KCNIP4: variants seen among roughly 807,000 people sequenced by gnomAD.
KCNIP4 encodes Kv channel-interacting protein 4.
KCNIP4 carries 12 observed loss-of-function variants against 34.0 expected under a neutral mutation model. That is an observed-to-expected ratio of 0.35 (90% CI 0.23 to 0.57). KCNIP4 has a LOEUF of 0.57. KCNIP4 is among the 20% of genes least tolerant of loss of function. KCNIP4 has a pLI of 0.83. For synonymous variants in KCNIP4, 124 were observed against 102.2 expected, an observed-to-expected ratio of 1.21 and a Z score of -1.29; for missense variants, 238 against 311.7, an observed-to-expected ratio of 0.76 and a Z score of 1.78.
rs183053508 is a variant in KCNIP4, at chr4:21,270,108, A to C, written c.62-387399T>G. Among the ~76,000 whole-genome samples, 233 of 152,316 alleles carry C rather than the reference A, an allele frequency of 1.5e-3. 2 individuals are homozygous for C. Among genetic ancestry groups the C allele is most frequent in the Admixed American group, 0.015 (231 of 15,300 alleles). On this transcript the variant is annotated intron_variant, in intron 1 of 8. Coordinates refer to ENST00000382152, the MANE Select transcript of KCNIP4 (RefSeq NM_025221.6). ...CATACTCTAGGTAAACAGTTTAACC[A>C]CCGGGGAGTATCATAGGCTCAAAGA...
intron 1 of KCNIP4, among the ~76,000 whole-genome samples, chr4:21,731,192 T>C (rs927123856): frequency 5.3e-5 from 8 of 151,996 alleles, no homozygotes; most frequent in Admixed American, 1.3e-4. Flanking sequence ...AGGTCCATTA[T>C]GGGTGAGAGA....
At chr4:21,887,266 G>A (rs1480057351) in intron 1 of KCNIP4, among the ~76,000 whole-genome samples, 2 of 152,050 alleles carry the variant, frequency 1.3e-5, no homozygotes, top group East Asian at 3.9e-4. Context: ...TGAGACCAGG[G>A]TTCCAGCACG....
chr4:21,331,287 C>G (rs1715611997), intron 1 of KCNIP4, among the ~76,000 whole-genome samples: 1 of 152,028 alleles, frequency 6.6e-6, no homozygotes, highest in African/African-American at 2.4e-5. Context: ...AAATTTCCCT[C>G]AAGATGCTTT....
chr4:21,555,361 A>G (rs1295037045), intron 1 of KCNIP4, among the ~76,000 whole-genome samples: 1 of 152,184 alleles, frequency 6.6e-6, no homozygotes. Context: ...GAACCATCCC[A>G]CAAAAATAAA....
chr4:21,284,745 T>C (rs963624385), intron 1 of KCNIP4, among the ~76,000 whole-genome samples: 1 of 148,718 alleles, frequency 6.7e-6, no homozygotes, highest in Non-Finnish European at 1.5e-5. Flanking sequence ...TGTGTGTGTG[T>C]GTGTGTGTGT....
chr4:20,803,741 GGAAGGAAGGAAGGAAA>G (rs1233003005), intron 3 of KCNIP4, among the ~76,000 whole-genome samples: 2 of 147,382 alleles, frequency 1.4e-5, no homozygotes, highest in Non-Finnish European at 3.0e-5. Context: ...AAGGAAGGAA[GGAAGGAAGGAAGGAAA>G]GAAGGAAGGA....
At chr4:20,790,578 C>CT (rs1414669465) in intron 3 of KCNIP4, among the ~76,000 whole-genome samples, 1 of 150,914 alleles carries the variant, frequency 6.6e-6, no homozygotes, top group East Asian at 1.9e-4. Context: ...ACTTTTTAAA[C>CT]TTTTTTGTTA....
At chr4:21,444,460 G>A (rs1200104769) in intron 1 of KCNIP4, among the ~76,000 whole-genome samples, 1 of 151,644 alleles carries the variant, frequency 6.6e-6, no homozygotes, top group Non-Finnish European at 1.5e-5. Flanking sequence ...GGGATGCAAG[G>A]CTGGTTCAAC....
chr4:21,779,278 GGAT>G (rs1394468914), intron 1 of KCNIP4, among the ~76,000 whole-genome samples: 9 of 152,158 alleles, frequency 5.9e-5, no homozygotes, highest in African/African-American at 2.2e-4. Flanking sequence ...AGGGCGGCAA[GGAT>G]GATAACTCTA....
chr4:21,426,269 A>G (rs1725924189), intron 1 of KCNIP4, among the ~76,000 whole-genome samples: 1 of 152,212 alleles, frequency 6.6e-6, no homozygotes, highest in Non-Finnish European at 1.5e-5. Flanking sequence ...TAGTGACCGT[A>G]GATATGGACA....
intron 1 of KCNIP4, among the ~76,000 whole-genome samples, chr4:21,916,052 T>G (rs1181794635): frequency 6.6e-6 from 1 of 152,216 alleles, no homozygotes; most frequent in Non-Finnish European, 1.5e-5. Flanking sequence ...TATAATTCGC[T>G]GTGTCCTTGA....
chr4:21,797,643 T>G (rs1352255241), intron 1 of KCNIP4, among the ~76,000 whole-genome samples: 1 of 152,210 alleles, frequency 6.6e-6, no homozygotes, highest in African/African-American at 2.4e-5. Flanking sequence ...ATATTTGGGT[T>G]GTATTTTGTT....
rs1184454361 is a variant in KCNIP4, at chr4:20,805,191, T to C, written c.288+45352A>G. Among the ~76,000 whole-genome samples the C allele has an allele frequency of 3.3e-3, 177 of 53,284 alleles. 2 individuals carry two copies. The highest frequency in any genetic ancestry group is 9.1e-3 in the African/African-American group (150 of 16,434). 35.0% of individuals were successfully genotyped at this position (53,284 alleles called of 152,430 possible). A position where few individuals can be genotyped will look rare whatever the true frequency, so the allele number is the denominator to read the frequency against. On this transcript the variant is annotated intron_variant, in intron 3 of 8. Coordinates refer to ENST00000382152, the MANE Select transcript of KCNIP4 (RefSeq NM_025221.6). ...GAAAATATCATAGATGCTTCCTTTT[T>C]TTTTTTTTTTTTTTTTTTTTTTTTT...
chr4:20,950,403 G>T (rs930346207), intron 1 of KCNIP4, among the ~76,000 whole-genome samples: 2 of 152,068 alleles, frequency 1.3e-5, no homozygotes, highest in African/African-American at 4.8e-5. Context: ...CGTTGTTGTG[G>T]ATATTTCATT....
intron 1 of KCNIP4, among the ~76,000 whole-genome samples, chr4:21,030,792 A>G (rs1740959499): frequency 6.6e-6 from 1 of 152,206 alleles, no homozygotes; most frequent in South Asian, 2.1e-4. Context: ...CTAAATTGAT[A>G]GGCTTGTGGT....
At chr4:21,178,105 A>T (rs564106694) in intron 1 of KCNIP4, among the ~76,000 whole-genome samples, 32 of 152,270 alleles carry the variant, frequency 2.1e-4, no homozygotes, top group Middle Eastern at 3.4e-3. Flanking sequence ...CTTACTTAGC[A>T]TAAGGCACTA....
intron 3 of KCNIP4, among the ~76,000 whole-genome samples, chr4:20,843,459 G>A: frequency 6.6e-6 from 1 of 152,216 alleles, no homozygotes; most frequent in East Asian, 1.9e-4. Flanking sequence ...GCCGGGCATA[G>A]TGGCTCATGC....
intron 3 of KCNIP4, among the ~76,000 whole-genome samples, chr4:20,774,090 T>C (rs1371590072): frequency 6.6e-6 from 1 of 152,192 alleles, no homozygotes; most frequent in Admixed American, 6.5e-5. Context: ...TGGAGGTTAT[T>C]ATGAGGCTTA....
intron 1 of KCNIP4, among the ~76,000 whole-genome samples, chr4:21,499,060 C>T (rs989446649): frequency 2.6e-5 from 4 of 152,096 alleles, no homozygotes; most frequent in Admixed American, 6.6e-5. Context: ...AGGCTGGGTG[C>T]AGTGGCTTAT....
Sources: allele counts gnomAD v4.1 joint callset (sites outside exome capture counted in the v4.1 genomes callset), GRCh38; gene constraint gnomAD v4.1.1; transcripts MANE v1.5; gene names NCBI Gene and HGNC (gene_info 2026-07-23, HGNC 2026-07-21).